The following ATR variants were observed in gnomAD, a reference collection of about 807,000 sequenced individuals.
ATR encodes ATR checkpoint kinase.
A neutral mutation model predicts 305.3 loss-of-function variants in ATR; 142 were observed. The ratio of observed to expected loss-of-function variants is 0.47; its 90% CI spans 0.41 to 0.53. The LOEUF (loss-of-function observed/expected upper bound fraction) is 0.53. Among genes scored for constraint, ATR ranks in the 20% least tolerant of loss-of-function variants. The probability of loss-of-function intolerance (pLI) is 0.00; values close to 1 mark genes in which losing one functional copy is unlikely to be tolerated. For synonymous variants in ATR, 1,050 were observed against 1,068.1 expected, an observed-to-expected ratio of 0.98 and a Z score of 0.33; for missense variants, 2,135 against 3,133.1, an observed-to-expected ratio of 0.68 and a Z score of 7.60.
At chr3:142,543,648 TTC>T (rs1452428045) in intron 16 of ATR, among the ~76,000 whole-genome samples, 1 of 151,684 alleles carries the variant, frequency 6.6e-6, no homozygotes. Flanking sequence ...CTTTCCTCCT[TTC>T]TCTCTCTTTT....
At chr3:142,548,949 A>G (rs560209226) in intron 15 of ATR, among the ~76,000 whole-genome samples, 2 of 152,284 alleles carry the variant, frequency 1.3e-5, no homozygotes, top group African/African-American at 4.8e-5. Flanking sequence ...GAAAACAGTA[A>G]AGTTATATGC....
intron 12 of ATR, 92 bp downstream of exon 12, chr3:142,553,548 C>A: frequency 1.4e-6 from 2 of 1,451,496 alleles, no homozygotes; most frequent in South Asian, 2.4e-5. Flanking sequence ...TATAATATCA[C>A]AAATATCATA....
Position 142,541,876 on chromosome 3 carries a change from TA to T in ATR, c.3450+788del, listed in dbSNP as rs141156491. 1.4e-3 allele frequency among the ~76,000 whole-genome samples: 198 copies of T among 145,224 alleles called. 1 individual carries two copies. Among genetic ancestry groups the T allele is most frequent in the South Asian group, 1.8e-3 (8 of 4,564 alleles). ...ACATATGTCTTTCTTGGCTCCTTAA[TA>T]AAAAAAAAAGGAGGGGAGAGTATAC... On this transcript the variant is annotated intron_variant, in intron 17 of 46. Coordinates refer to ENST00000350721, the MANE Select transcript of ATR (RefSeq NM_001184.4).
At chr3:142,552,441 G>A (rs1316803990) in intron 13 of ATR, among the ~76,000 whole-genome samples, 1 of 152,222 alleles carries the variant, frequency 6.6e-6, no homozygotes, top group African/African-American at 2.4e-5. Context: ...AGGCTGAGAC[G>A]GGTGGATTGC....
chr3:142,564,583 C>A (rs2034999797), intron 3 of ATR, among the ~76,000 whole-genome samples: 1 of 152,108 alleles, frequency 6.6e-6, no homozygotes, highest in South Asian at 2.1e-4. Flanking sequence ...CAGTCATAGT[C>A]CTGTCCTCAT....
At chr3:142,525,691 A>G (rs75142496) in intron 21 of ATR, among the ~76,000 whole-genome samples, 4,235 of 152,152 alleles carry the variant, frequency 0.028, 181 homozygotes, top group African/African-American at 0.097. Context: ...TTCTTTCTCT[A>G]TTAGTTCAGG....
intron 24 of ATR, among the ~76,000 whole-genome samples, chr3:142,515,901 GTTA>G (rs1268194746): frequency 1.3e-5 from 2 of 152,120 alleles, no homozygotes; most frequent in Non-Finnish European, 2.9e-5. Context: ...TCTTCCCAGT[GTTA>G]TTATCATCCT....
intron 42 of ATR, among the ~76,000 whole-genome samples, chr3:142,460,231 T>C (rs2108263551): frequency 6.6e-6 from 1 of 152,234 alleles, no homozygotes; most frequent in Admixed American, 6.5e-5. Flanking sequence ...CATAACATAC[T>C]TGGCACAATA....
chr3:142,560,119 G>C (rs1026631332), intron 6 of ATR, 144 bp downstream of exon 6: 1 of 782,016 alleles, frequency 1.3e-6, no homozygotes, highest in African/African-American at 1.7e-5. Flanking sequence ...CCTAGCATTT[G>C]ACTCAATAGA....
At chr3:142,467,644 A>G (rs1313620187) in intron 39 of ATR, among the ~76,000 whole-genome samples, 1 of 152,164 alleles carries the variant, frequency 6.6e-6, no homozygotes, top group African/African-American at 2.4e-5. Context: ...CTTATTTCAT[A>G]TTCTCTACTA....
At chr3:142,465,318 A>T in intron 40 of ATR, 78 bp from the exon 41 acceptor site, 2 of 1,076,508 alleles carry the variant, frequency 1.9e-6, no homozygotes, top group South Asian at 1.7e-5. Context: ...ACCTTGAGTT[A>T]TGTAAAAAAA....
intron 13 of ATR, among the ~76,000 whole-genome samples, chr3:142,550,773 T>C (rs1469753839): frequency 1.3e-5 from 2 of 151,938 alleles, no homozygotes; most frequent in African/African-American, 4.8e-5. Context: ...ATAAACAAAA[T>C]ACATCGTTTT....
chr3:142,482,875 C>A (rs1176868224), intron 36 of ATR, among the ~76,000 whole-genome samples: 1 of 150,974 alleles, frequency 6.6e-6, no homozygotes, highest in East Asian at 1.9e-4. Flanking sequence ...TACCTTTACT[C>A]ATTTTGCTAC....
chr3:142,541,116 C>T (rs1307840825), intron 17 of ATR, 82 bp from the exon 18 acceptor site: 1 of 1,507,848 alleles, frequency 6.6e-7, no homozygotes, highest in Non-Finnish European at 9.2e-7. Context: ...AAGTGCTTCC[C>T]ACCCAGTATC....
chr3:142,498,462 A>G (rs2031768490), intron 32 of ATR, 135 bp downstream of exon 32: 1 of 786,472 alleles, frequency 1.3e-6, no homozygotes, highest in Non-Finnish European at 2.1e-6. Context: ...TGTGAGGTAA[A>G]AAGAATGAAA....
intron 24 of ATR, among the ~76,000 whole-genome samples, chr3:142,516,707 T>C (rs1191005340): frequency 1.3e-5 from 2 of 152,234 alleles, no homozygotes; most frequent in South Asian, 2.1e-4. Context: ...AAGAGATCTA[T>C]TCCTTCTAAG....
intron 32 of ATR, among the ~76,000 whole-genome samples, 174 bp downstream of exon 32, chr3:142,498,423 G>A (rs1328478810): frequency 6.6e-6 from 1 of 152,158 alleles, no homozygotes; most frequent in Non-Finnish European, 1.5e-5. Flanking sequence ...TTAAAAGGAT[G>A]TATGTTAGAA....
At chr3:142,474,244 C>T (rs1385643068) in intron 36 of ATR, among the ~76,000 whole-genome samples, 1 of 146,054 alleles carries the variant, frequency 6.8e-6, no homozygotes, top group African/African-American at 2.5e-5. Flanking sequence ...TTAAACAAAA[C>T]AAAACAAAAA....
intron 46 of ATR, chr3:142,452,839 A>G: frequency 1.6e-6 from 2 of 1,244,012 alleles, no homozygotes; most frequent in South Asian, 1.8e-5. Context: ...AAGTTCAGGC[A>G]ATTTGTACTA....
Sources: allele counts gnomAD v4.1 joint callset (sites outside exome capture counted in the v4.1 genomes callset), GRCh38; gene constraint gnomAD v4.1.1; transcripts MANE v1.5; gene names NCBI Gene and HGNC (gene_info 2026-07-23, HGNC 2026-07-21).